The following NRG3 variants were observed in gnomAD, a reference collection of about 807,000 sequenced individuals.
NRG3 encodes the protein neuregulin 3, also known as pro-neuregulin-3, membrane-bound isoform.
Under a neutral mutation model 66.9 loss-of-function variants are expected in NRG3, and 31 were observed. The ratio of observed to expected loss-of-function variants is 0.46; its 90% CI spans 0.35 to 0.63. The LOEUF is 0.63. NRG3 is among the 20% of genes least tolerant of loss of function. NRG3 has a pLI of 0.00. For missense variants in NRG3, 910 were observed against 878.9 expected, an observed-to-expected ratio of 1.04 and a Z score of -0.45; for synonymous variants, 393 against 359.4, an observed-to-expected ratio of 1.09 and a Z score of -1.06.
At chr10:82,951,629 A>G in intron 5 of NRG3, 58 bp downstream of exon 5, 1 of 1,432,664 alleles carries the variant, frequency 7.0e-7, no homozygotes, top group Non-Finnish European at 9.8e-7. Flanking sequence ...GCTTTGTGTT[A>G]CTTTAAGTTC....
intron 1 of NRG3, among the ~76,000 whole-genome samples, chr10:82,140,381 G>A (rs570453951): frequency 1.3e-5 from 2 of 152,220 alleles, no homozygotes; most frequent in Non-Finnish European, 2.9e-5. Context: ...ATCAATAATT[G>A]CATGCATGAA....
intron 1 of NRG3, among the ~76,000 whole-genome samples, chr10:82,055,444 T>G (rs2063794980): frequency 7.2e-6 from 1 of 138,816 alleles, no homozygotes; most frequent in African/African-American, 2.8e-5. Flanking sequence ...ACCACTGCCC[T>G]CCAGCCTGGG....
chr10:82,414,169 G>A (rs916064162), intron 2 of NRG3, among the ~76,000 whole-genome samples: 9 of 152,060 alleles, frequency 5.9e-5, no homozygotes, highest in African/African-American at 2.2e-4. Flanking sequence ...TCCAGCATTA[G>A]GTTAAAAGTG....
At chr10:82,741,754 C>T (rs1205019776) in intron 3 of NRG3, among the ~76,000 whole-genome samples, 1 of 152,188 alleles carries the variant, frequency 6.6e-6, no homozygotes, top group East Asian at 1.9e-4. Context: ...GACCTGAGCT[C>T]CCAACTGAAG....
Position 82,822,920 on chromosome 10 carries a change from C to T in NRG3, c.1028-42491C>T, listed in dbSNP as rs565927144. 2.0e-5 allele frequency among the ~76,000 whole-genome samples: 3 copies of T among 152,262 alleles called. No homozygotes were observed. In the East Asian group the frequency reaches 5.8e-4, roughly 29 times the overall value. ...GGTTGAATAAGCCATTTAATCTCCTCAGTACTCTCAAGTATATAGCGGGGC... is the reference window on the plus strand; with the variant it reads ...GGTTGAATAAGCCATTTAATCTCCTTAGTACTCTCAAGTATATAGCGGGGC... On this transcript the variant is annotated intron_variant, in intron 3 of 8. Coordinates refer to ENST00000372141, the MANE Select transcript of NRG3 (RefSeq NM_001010848.4).
chr10:82,596,131 G>T (rs957856898), intron 2 of NRG3, among the ~76,000 whole-genome samples: 22 of 152,162 alleles, frequency 1.4e-4, no homozygotes, highest in Admixed American at 1.4e-3. Context: ...TAATGAACAT[G>T]CTTGCTTGCA....
At chr10:82,272,739 A>G (rs1448586099) in intron 1 of NRG3, among the ~76,000 whole-genome samples, 1 of 152,026 alleles carries the variant, frequency 6.6e-6, no homozygotes, top group East Asian at 1.9e-4. Flanking sequence ...GATCTGCTAC[A>G]TTATTTATTT....
chr10:82,575,073 A>G (rs1316737137), intron 2 of NRG3, among the ~76,000 whole-genome samples: 3 of 151,772 alleles, frequency 2.0e-5, no homozygotes, highest in Non-Finnish European at 4.4e-5. Flanking sequence ...GGATAGTGTT[A>G]TCAAAAGAAA....
At chr10:81,930,577 A>AACG (rs1193011403) in intron 1 of NRG3, among the ~76,000 whole-genome samples, 11 of 150,616 alleles carry the variant, frequency 7.3e-5, no homozygotes, top group African/African-American at 2.2e-4. Context: ...GCAAGTAACA[A>AACG]ACGACTCTCC....
At chr10:82,429,813 A>C (rs2089680686) in intron 2 of NRG3, among the ~76,000 whole-genome samples, 1 of 151,546 alleles carries the variant, frequency 6.6e-6, no homozygotes, top group Non-Finnish European at 1.5e-5. Flanking sequence ...ATTTTTCTTT[A>C]TTTGTTTTTC....
In NRG3 at chr10:82,958,892, AAGT is replaced by A. The variant is rs1455345585; in HGVS notation, c.1158-54_1158-52del. 5 of 1,481,950 alleles carry A rather than the reference AAGT, an allele frequency of 3.4e-6. No individual in the cohort carries two copies. In the African/African-American group the frequency reaches 7.1e-5, roughly 21 times the overall value. 91.8% of individuals were successfully genotyped at this position (1,481,950 alleles called of 1,614,324 possible). A position where few individuals can be genotyped will look rare whatever the true frequency, so the allele number is the denominator to read the frequency against. On this transcript the variant is annotated intron_variant, in intron 5 of 8. Coordinates refer to ENST00000372141, the MANE Select transcript of NRG3 (RefSeq NM_001010848.4). ...ACACTGGGAATGAATGAGACCCTGA[AAGT>A]AGGAGTTGAATAAAGTCATGCAAAT...
chr10:82,364,689 C>CA (rs1179846411), intron 2 of NRG3, among the ~76,000 whole-genome samples: 3 of 152,168 alleles, frequency 2.0e-5, no homozygotes, highest in African/African-American at 7.2e-5. Flanking sequence ...GGCCTTCCTG[C>CA]AAAAATGGAT....
At chr10:82,529,757 A>T (rs1847077509) in intron 2 of NRG3, among the ~76,000 whole-genome samples, 1 of 152,194 alleles carries the variant, frequency 6.6e-6, no homozygotes, top group Non-Finnish European at 1.5e-5. Context: ...CTACTTAAAA[A>T]AATCACTTGT....
intron 2 of NRG3, among the ~76,000 whole-genome samples, chr10:82,665,044 C>T (rs2052654988): frequency 6.6e-6 from 1 of 152,096 alleles, no homozygotes; most frequent in Admixed American, 6.5e-5. Flanking sequence ...TTTCAGTTTT[C>T]CATCATGATA....
chr10:82,606,867 A>G (rs949361079), intron 2 of NRG3, among the ~76,000 whole-genome samples: 3 of 152,170 alleles, frequency 2.0e-5, no homozygotes, highest in African/African-American at 7.2e-5. Context: ...CAAGGAAGTG[A>G]CTCAGCACCA....
intron 1 of NRG3, among the ~76,000 whole-genome samples, chr10:82,240,622 G>T (rs977080127): frequency 1.3e-5 from 2 of 152,070 alleles, no homozygotes; most frequent in African/African-American, 4.8e-5. Context: ...GAGGAAGATG[G>T]CCTCAATTGA....
intron 2 of NRG3, among the ~76,000 whole-genome samples, chr10:82,595,439 T>C (rs1263786249): frequency 1.3e-5 from 2 of 152,196 alleles, no homozygotes; most frequent in Admixed American, 6.5e-5. Context: ...TATAAGGTCC[T>C]TGAAGATAGG....
intron 1 of NRG3, among the ~76,000 whole-genome samples, chr10:82,302,262 CA>C (rs530316806): frequency 4.0e-5 from 6 of 151,142 alleles, no homozygotes; most frequent in Admixed American, 4.0e-4. Flanking sequence ...GAAGTTATTG[CA>C]AAAAAAATCT....
intron 2 of NRG3, among the ~76,000 whole-genome samples, chr10:82,661,732 A>G (rs1490438218): frequency 6.6e-6 from 1 of 152,214 alleles, no homozygotes; most frequent in African/African-American, 2.4e-5. Context: ...TGATTATAAA[A>G]GTCCCAGTGG....
Sources: gnomAD v4.1 joint callset for allele counts (sites outside exome capture counted in the v4.1 genomes callset) on GRCh38, gnomAD v4.1.1 for gene constraint, MANE v1.5 for transcripts, NCBI Gene and HGNC (gene_info 2026-07-23, HGNC 2026-07-21) for gene names.